The following FANK1 variants were observed in gnomAD, a reference collection of about 807,000 sequenced individuals.
The protein encoded by FANK1 is fibronectin type III and ankyrin repeat domains 1.
Under a neutral mutation model 45.3 loss-of-function variants are expected in FANK1, and 44 were observed. The observed-to-expected ratio is 0.97, with a 90% CI of 0.76 to 1.25. The LOEUF (loss-of-function observed/expected upper bound fraction) is 1.25, where lower values mean the gene tolerates loss of function less well. Among genes scored for constraint, FANK1 ranks in the 50% most tolerant of loss-of-function variants. FANK1 has a pLI of 0.00. For synonymous variants in FANK1, 149 were observed against 152.5 expected, an observed-to-expected ratio of 0.98 and a Z score of 0.17; for missense variants, 391 against 424.4, an observed-to-expected ratio of 0.92 and a Z score of 0.69.
At chr10:125,939,684 C>A (rs1948324307) in intron 1 of FANK1, among the ~76,000 whole-genome samples, 1 of 151,946 alleles carries the variant, frequency 6.6e-6, no homozygotes, top group African/African-American at 2.4e-5. Context: ...TAATAGGAAA[C>A]CTGTTAATAT....
At chr10:126,008,077 C>T (rs1390036750) in intron 7 of FANK1, among the ~76,000 whole-genome samples, 2 of 152,034 alleles carry the variant, frequency 1.3e-5, no homozygotes, top group African/African-American at 2.4e-5. Flanking sequence ...TACAACAATA[C>T]ATAAAAGTAA....
chr10:125,951,886 C>T (rs1949258136), intron 1 of FANK1, among the ~76,000 whole-genome samples: 2 of 152,178 alleles, frequency 1.3e-5, no homozygotes, highest in African/African-American at 4.8e-5. Flanking sequence ...CCACTGTGTT[C>T]AGTTGAGCCC....
chr10:125,965,156 C>CTAAA (rs1207226073), intron 1 of FANK1, among the ~76,000 whole-genome samples: 1 of 152,076 alleles, frequency 6.6e-6, no homozygotes, highest in Non-Finnish European at 1.5e-5. Flanking sequence ...AACTCCGTCT[C>CTAAA]TAAATAAATA....
At chr10:125,897,336 A>G (rs1271410691) in intron 1 of FANK1, among the ~76,000 whole-genome samples, 1 of 152,298 alleles carries the variant, frequency 6.6e-6, no homozygotes, top group Admixed American at 6.5e-5. Flanking sequence ...CTAACTTACT[A>G]TTTTTGTTGT....
intron 1 of FANK1, among the ~76,000 whole-genome samples, chr10:125,910,091 T>G (rs80078902): frequency 7.9e-5 from 12 of 152,178 alleles, no homozygotes; most frequent in African/African-American, 2.9e-4. Context: ...TATTACCAAT[T>G]ACTTTAAAGT....
intron 1 of FANK1, among the ~76,000 whole-genome samples, chr10:125,918,249 CTG>C (rs979751967): frequency 6.6e-6 from 1 of 151,816 alleles, no homozygotes; most frequent in African/African-American, 2.4e-5. Context: ...ATGCCAATAA[CTG>C]TACATTTAAG....
intron 1 of FANK1, among the ~76,000 whole-genome samples, chr10:125,967,545 A>G (rs11244734): frequency 0.36 from 54,586 of 152,102 alleles, 10,113 homozygotes; most frequent in South Asian, 0.43. Flanking sequence ...GAAGCTGGGT[A>G]ACAGATACAA....
In FANK1 at chr10:126,008,328, C is replaced by T. The variant is rs914559586; in HGVS notation, c.706-79C>T. 4.7e-6 allele frequency: 7 copies of T among 1,484,822 alleles called. No individual in the cohort carries two copies. In the South Asian group the frequency reaches 1.0e-4, roughly 21 times the overall value. 92.0% of individuals were successfully genotyped at this position (1,484,822 alleles called of 1,614,324 possible). ...ATCTAAGTCCGGGTGTTGGGGCAAG[C>T]AAATATTCCTTTTATAAGTTTGAAT... is the stretch of plus-strand genomic sequence containing the variant. On this transcript the variant is annotated intron_variant, in intron 7 of 10. Coordinates refer to ENST00000368693, the MANE Select transcript of FANK1 (RefSeq NM_145235.5).
intron 1 of FANK1, among the ~76,000 whole-genome samples, chr10:125,914,471 A>T (rs1187737494): frequency 6.6e-6 from 1 of 152,160 alleles, no homozygotes; most frequent in Non-Finnish European, 1.5e-5. Context: ...TGGAAAATGT[A>T]GGCTGGACTG....
intron 1 of FANK1, among the ~76,000 whole-genome samples, chr10:125,929,392 A>G (rs1947600378): frequency 6.6e-6 from 1 of 152,172 alleles, no homozygotes; most frequent in Admixed American, 6.5e-5. Flanking sequence ...TGTAGATCCC[A>G]GGAAGGAGGG....
chr10:125,904,463 A>G (rs1451489253), intron 1 of FANK1, among the ~76,000 whole-genome samples: 1 of 151,508 alleles, frequency 6.6e-6, no homozygotes, highest in African/African-American at 2.4e-5. Flanking sequence ...TCTTAGGGAC[A>G]GGGTCTCACT....
chr10:125,949,296 G>A (rs1949035472), intron 1 of FANK1, among the ~76,000 whole-genome samples: 1 of 150,652 alleles, frequency 6.6e-6, no homozygotes, highest in Admixed American at 6.6e-5. Context: ...AGGAAATAAA[G>A]GGTATTCAAT....
chr10:125,979,052 G>A (rs1174194520), intron 1 of FANK1, among the ~76,000 whole-genome samples: 1 of 152,190 alleles, frequency 6.6e-6, no homozygotes, highest in African/African-American at 2.4e-5. Flanking sequence ...TACGTGGAGA[G>A]CTCCTGACCT....
intron 1 of FANK1, among the ~76,000 whole-genome samples, chr10:125,953,535 A>G (rs1037936786): frequency 6.6e-6 from 1 of 152,142 alleles, no homozygotes; most frequent in Admixed American, 6.5e-5. Flanking sequence ...ATGAGTTCCT[A>G]TGCGGGGGAA....
intron 7 of FANK1, among the ~76,000 whole-genome samples, chr10:126,007,557 T>C (rs1953314267): frequency 6.6e-6 from 1 of 152,202 alleles, no homozygotes; most frequent in East Asian, 1.9e-4. Flanking sequence ...TCCTGGAAAT[T>C]CCTTGTTTGT....
chr10:125,954,630 G>T (rs1949461183), intron 1 of FANK1, among the ~76,000 whole-genome samples: 1 of 151,912 alleles, frequency 6.6e-6, no homozygotes, highest in Non-Finnish European at 1.5e-5. Flanking sequence ...TAAAAAAATA[G>T]AGAAAGGGGT....
At chr10:125,963,905 C>G (rs1321789601) in intron 1 of FANK1, among the ~76,000 whole-genome samples, 1 of 151,532 alleles carries the variant, frequency 6.6e-6, no homozygotes, top group African/African-American at 2.4e-5. Context: ...TAAAAAAAAA[C>G]ATTTTAAGAT....
intron 1 of FANK1, among the ~76,000 whole-genome samples, chr10:125,910,946 A>G (rs528295063): frequency 7.4e-4 from 112 of 151,926 alleles, no homozygotes; most frequent in Admixed American, 2.1e-3. Context: ...AGGCAGGAGA[A>G]TTACTTGAAC....
chr10:125,991,402 C>T (rs1345606120), intron 3 of FANK1, among the ~76,000 whole-genome samples: 1 of 152,122 alleles, frequency 6.6e-6, no homozygotes, highest in Non-Finnish European at 1.5e-5. Flanking sequence ...CCTCCTCCTC[C>T]TAGCTGGGGC....
Sources: gnomAD v4.1 joint callset for allele counts (sites outside exome capture counted in the v4.1 genomes callset) on GRCh38, gnomAD v4.1.1 for gene constraint, MANE v1.5 for transcripts, NCBI Gene and HGNC (gene_info 2026-07-23, HGNC 2026-07-21) for gene names.